The following GULP1 variants were observed in gnomAD, a reference collection of about 807,000 sequenced individuals.
GULP1 encodes the protein PTB domain-containing engulfment adapter protein 1.
In GULP1, 19 loss-of-function variants were observed where a neutral mutation model predicts 40.9. The observed-to-expected ratio is 0.46, with a 90% CI of 0.32 to 0.68. The LOEUF is 0.68. GULP1 is among the 30% of genes least tolerant of loss of function. The probability of loss-of-function intolerance (pLI) is 0.03; values close to 1 mark genes in which losing one functional copy is unlikely to be tolerated. For synonymous variants in GULP1, 119 were observed against 117.6 expected (o/e 1.01, Z -0.08); for missense variants, 312 against 362.2 (o/e 0.86, Z 1.12).
chr2:188,388,264 C>T (rs1443132225), intron 2 of GULP1, among the ~76,000 whole-genome samples: 1 of 151,328 alleles, frequency 6.6e-6, no homozygotes, highest in African/African-American at 2.4e-5. Flanking sequence ...TGCATTGGCT[C>T]ATGCCTGTAA....
In GULP1 at chr2:188,477,867, T is replaced by C. The variant is rs1040208126; in HGVS notation, c.28+137T>C. ...TGAAGTTAGATTAGAGCAACACAAA[T>C]CTGCAAACGTTGCTAATTAGCTTTC... is the stretch of plus-strand genomic sequence containing the variant. On this transcript the variant is annotated intron_variant, in intron 3 of 11. Coordinates refer to ENST00000409830, the MANE Select transcript of GULP1 (RefSeq NM_016315.4). 13 of 635,410 alleles carry C rather than the reference T, an allele frequency of 2.0e-5. No individual in the cohort carries two copies. The African/African-American group carries it at 2.5e-4, about 12-fold the overall frequency. 39.4% of individuals were successfully genotyped at this position (635,410 alleles called of 1,614,324 possible).
intron 1 of GULP1, among the ~76,000 whole-genome samples, chr2:188,325,867 A>G (rs182023091): frequency 5.8e-4 from 89 of 152,300 alleles, no homozygotes; most frequent in Non-Finnish European, 1.1e-3. Flanking sequence ...TTAACTCTTC[A>G]TAGATCCTTG....
intron 7 of GULP1, among the ~76,000 whole-genome samples, chr2:188,560,012 G>A (rs765721948): frequency 6.6e-6 from 1 of 152,152 alleles, no homozygotes; most frequent in Non-Finnish European, 1.5e-5. Context: ...ATGTTGAACT[G>A]TAAGTCGTAT....
intron 7 of GULP1, among the ~76,000 whole-genome samples, chr2:188,544,128 C>G (rs1170354228): frequency 1.3e-5 from 2 of 152,072 alleles, no homozygotes; most frequent in East Asian, 3.9e-4. Flanking sequence ...ACTGGAATTG[C>G]ATCTGATGAA....
At chr2:188,328,844 T>C (rs1274740135) in intron 1 of GULP1, among the ~76,000 whole-genome samples, 2 of 152,160 alleles carry the variant, frequency 1.3e-5, no homozygotes, top group East Asian at 3.9e-4. Context: ...AATATGAGTA[T>C]ACACGATGAA....
intron 1 of GULP1, among the ~76,000 whole-genome samples, chr2:188,336,801 T>C (rs2042312028): frequency 6.6e-6 from 1 of 152,170 alleles, no homozygotes; most frequent in Non-Finnish European, 1.5e-5. Flanking sequence ...ACTAAAAGAC[T>C]AGTGTAGCTG....
intron 1 of GULP1, among the ~76,000 whole-genome samples, chr2:188,364,571 G>A (rs899383781): frequency 1.3e-5 from 2 of 151,942 alleles, no homozygotes; most frequent in African/African-American, 2.4e-5. Flanking sequence ...TTCTTTCTCT[G>A]GGAGGGAGAT....
At chr2:188,373,178 G>A (rs1461828092) in intron 1 of GULP1, among the ~76,000 whole-genome samples, 7 of 151,778 alleles carry the variant, frequency 4.6e-5, no homozygotes, top group African/African-American at 1.7e-4. Context: ...TCTAACAGAG[G>A]AAACATGGAG....
chr2:188,447,741 G>A (rs375766469), intron 2 of GULP1, among the ~76,000 whole-genome samples: 38 of 152,264 alleles, frequency 2.5e-4, no homozygotes, highest in African/African-American at 7.7e-4. Flanking sequence ...GTGCCAAATA[G>A]ATAGTATATC....
intron 2 of GULP1, among the ~76,000 whole-genome samples, chr2:188,473,278 T>G (rs957787667): frequency 6.6e-6 from 1 of 152,168 alleles, no homozygotes; most frequent in African/African-American, 2.4e-5. Context: ...CTGTAACCCC[T>G]GGCTATTGCC....
At chr2:188,350,063 T>A (rs1255855771) in intron 1 of GULP1, among the ~76,000 whole-genome samples, 1 of 152,170 alleles carries the variant, frequency 6.6e-6, no homozygotes, top group African/African-American at 2.4e-5. Flanking sequence ...ACTCCATTGA[T>A]GTATAGGCCT....
At chr2:188,428,902 C>A in intron 2 of GULP1, among the ~76,000 whole-genome samples, 1 of 151,000 alleles carries the variant, frequency 6.6e-6, no homozygotes. Context: ...TTTTAATTTA[C>A]TCTGGAAAAC....
intron 2 of GULP1, among the ~76,000 whole-genome samples, chr2:188,411,029 G>A (rs1002331049): frequency 1.3e-5 from 2 of 152,120 alleles, no homozygotes; most frequent in African/African-American, 4.8e-5. Context: ...TCTCTACTTG[G>A]GAGGTCGGCA....
chr2:188,549,127 C>G (rs1417730051), intron 7 of GULP1, among the ~76,000 whole-genome samples: 1 of 151,074 alleles, frequency 6.6e-6, no homozygotes, highest in Non-Finnish European at 1.5e-5. Context: ...AAACATTTTT[C>G]TATGTATAAG....
At chr2:188,459,453 T>C (rs983210710) in intron 2 of GULP1, among the ~76,000 whole-genome samples, 1 of 152,188 alleles carries the variant, frequency 6.6e-6, no homozygotes, top group African/African-American at 2.4e-5. Flanking sequence ...TATGCCTATT[T>C]ATCATTTTGT....
intron 2 of GULP1, among the ~76,000 whole-genome samples, chr2:188,412,034 C>T (rs113460614): frequency 0.067 from 10,214 of 152,168 alleles, 1,160 homozygotes; most frequent in African/African-American, 0.23. Context: ...GGCAGGGTGG[C>T]AGGAGTGGAT....
intron 4 of GULP1, among the ~76,000 whole-genome samples, chr2:188,499,039 GAA>G (rs1225864334): frequency 6.7e-6 from 1 of 149,362 alleles, no homozygotes; most frequent in Non-Finnish European, 1.5e-5. Context: ...ATCAATGTCT[GAA>G]GTTAGAATTT....
At chr2:188,475,722 T>C (rs1460599845) in intron 2 of GULP1, among the ~76,000 whole-genome samples, 2 of 152,158 alleles carry the variant, frequency 1.3e-5, no homozygotes, top group East Asian at 1.9e-4. Context: ...ATTTTTTCCT[T>C]ATTTCTTCAG....
At chr2:188,339,544 G>T (rs1392933596) in intron 1 of GULP1, among the ~76,000 whole-genome samples, 2 of 152,112 alleles carry the variant, frequency 1.3e-5, no homozygotes, top group African/African-American at 4.8e-5. Flanking sequence ...GGTTGGAAAT[G>T]CACATTTGTT....
Sources: allele counts gnomAD v4.1 joint callset (sites outside exome capture counted in the v4.1 genomes callset), GRCh38; gene constraint gnomAD v4.1.1; transcripts MANE v1.5; gene names NCBI Gene and HGNC (gene_info 2026-07-23, HGNC 2026-07-21).